PRSS23: variants seen among roughly 807,000 people sequenced by gnomAD.
PRSS23 encodes serine protease 23, also known as protease, serine 23.
PRSS23 carries 25 observed loss-of-function variants against 34.7 expected under a neutral mutation model. That is an observed-to-expected ratio of 0.72 (90% CI 0.53 to 1.01). The LOEUF (loss-of-function observed/expected upper bound fraction) is 1.01. Among genes scored for constraint, PRSS23 ranks in the 50% least tolerant of loss-of-function variants. The pLI is 0.00. For missense variants in PRSS23, 445 were observed against 475.6 expected (o/e 0.94, Z 0.60); for synonymous variants, 176 against 186.6 (o/e 0.94, Z 0.46).
Position 86,894,311 on chromosome 11 carries a change from G to A in PRSS23, c.207-56905G>A, listed in dbSNP as rs140461085. On this transcript the variant is annotated intron_variant, in intron 2 of 2. Transcript: ENST00000533902. ...AGGCATGAGCCACTGTGCCCAGCCAGAATTTGTTTGCATATGGAAAAGAAA... is the reference window on the plus strand; with the variant it reads ...AGGCATGAGCCACTGTGCCCAGCCAAAATTTGTTTGCATATGGAAAAGAAA... Among the ~76,000 whole-genome samples, 170 of 152,282 alleles carry A rather than the reference G, an allele frequency of 1.1e-3. 1 individual carries two copies. The highest frequency in any genetic ancestry group is 3.7e-3 in the African/African-American group (154 of 41,576).
chr11:86,822,802 G>C (rs1948263034), intron 1 of PRSS23, among the ~76,000 whole-genome samples: 1 of 152,148 alleles, frequency 6.6e-6, no homozygotes, highest in African/African-American at 2.4e-5. Context: ...GTATTTTGTA[G>C]AGAATTTGAG....
At chr11:86,806,392 T>C (rs1948101498) in intron 1 of PRSS23, among the ~76,000 whole-genome samples, 1 of 152,216 alleles carries the variant, frequency 6.6e-6, no homozygotes, top group Non-Finnish European at 1.5e-5. Flanking sequence ...TTCTAGGCAA[T>C]TTGTTCATTT....
rs201486686 is a variant in PRSS23, at chr11:86,809,038, TAAAA to T, written c.*248_*251del. The stretch of plus-strand genomic sequence containing the variant: ...TTGAAGGCATACTTTTGCATAGAAA[TAAAA>T]AAAATACTGATTTGGGGCAATGAGG... On this transcript the variant is annotated 3_prime_UTR_variant, in exon 2 of 2. Coordinates refer to ENST00000280258, the MANE Select transcript of PRSS23 (RefSeq NM_007173.6). 5 of 385,472 alleles carry T rather than the reference TAAAA, an allele frequency of 1.3e-5. No individual in the cohort carries two copies. The highest frequency in any genetic ancestry group is 1.0e-4 in the African/African-American group (5 of 47,880). 23.9% of individuals were successfully genotyped at this position (385,472 alleles called of 1,614,324 possible). A position where few individuals can be genotyped will look rare whatever the true frequency, so the allele number is the denominator to read the frequency against.
intron 1 of PRSS23, among the ~76,000 whole-genome samples, chr11:86,805,435 C>T (rs1161728355): frequency 6.6e-6 from 1 of 152,186 alleles, no homozygotes; most frequent in Non-Finnish European, 1.5e-5. Flanking sequence ...CCAACAAGCA[C>T]ATACAAACAC....
At chr11:86,878,052 T>C (rs1202281002) in intron 2 of PRSS23, among the ~76,000 whole-genome samples, 3 of 152,192 alleles carry the variant, frequency 2.0e-5, no homozygotes, top group Non-Finnish European at 4.4e-5. Context: ...ATTTTTGATG[T>C]ACACATTTGC....
intron 1 of PRSS23, among the ~76,000 whole-genome samples, chr11:86,795,026 C>T (rs971737583): frequency 1.3e-5 from 2 of 152,114 alleles, no homozygotes; most frequent in African/African-American, 4.8e-5. Context: ...AATATTAAAA[C>T]TCTCTTGCCT....
At position 86,824,330 on chromosome 11, in the gene PRSS23, A is replaced by AAAAATAAAAAT. The variant is rs1555071045; in HGVS notation, c.206+746_206+747insATAAAATAAAA. ...CTGTGTCAAAAATAAAAATAAAAAT[A>AAAAATAAAAAT]AAAATAAAATAAAATAAAATAAAAT... On this transcript the variant is annotated intron_variant, in intron 2 of 2. Transcript: ENST00000533902. 1.3e-4 allele frequency among the ~76,000 whole-genome samples: 17 copies of AAAAATAAAAAT among 133,158 alleles called. No homozygotes were observed. The East Asian group carries it at 1.7e-3, about 13-fold the overall frequency. 87.4% of individuals were successfully genotyped at this position (133,158 alleles called of 152,430 possible). A position where few individuals can be genotyped will look rare whatever the true frequency, so the allele number is the denominator to read the frequency against.
chr11:86,933,870 G>A (rs936564276), intron 2 of PRSS23: 2 of 151,950 alleles, frequency 1.3e-5, no homozygotes, highest in African/African-American at 4.8e-5. Context: ...GATTTGGAAC[G>A]AGCCCACCTG....
intron 2 of PRSS23, among the ~76,000 whole-genome samples, chr11:86,873,549 T>C (rs1374762187): frequency 1.3e-5 from 2 of 151,850 alleles, no homozygotes; most frequent in Non-Finnish European, 2.9e-5. Flanking sequence ...TCCCAAAGTG[T>C]TGGGATTGTA....
chr11:86,835,874 C>T (rs548575170), intron 2 of PRSS23, among the ~76,000 whole-genome samples: 75 of 152,272 alleles, frequency 4.9e-4, no homozygotes, highest in Non-Finnish European at 9.6e-4. Flanking sequence ...AAATCATCCA[C>T]GTACCGAAGG....
chr11:86,848,757 G>C (rs1478495943), intron 2 of PRSS23, among the ~76,000 whole-genome samples: 1 of 152,106 alleles, frequency 6.6e-6, no homozygotes, highest in East Asian at 1.9e-4. Flanking sequence ...TCTATAACAG[G>C]GACCAAGAGG....
intron 2 of PRSS23, among the ~76,000 whole-genome samples, chr11:86,941,912 C>G (rs548415593): frequency 6.6e-6 from 1 of 152,264 alleles, no homozygotes; most frequent in African/African-American, 2.4e-5. Flanking sequence ...GGTTAAAACC[C>G]TCCCTTCCTC....
chr11:86,839,026 G>A (rs955619199), intron 2 of PRSS23, among the ~76,000 whole-genome samples: 2 of 151,570 alleles, frequency 1.3e-5, no homozygotes, highest in Admixed American at 6.6e-5. Flanking sequence ...CACAAAGATA[G>A]GGAGAAACCA....
chr11:86,901,373 A>C (rs1414959181), intron 2 of PRSS23, among the ~76,000 whole-genome samples: 1 of 152,166 alleles, frequency 6.6e-6, no homozygotes, highest in East Asian at 1.9e-4. Flanking sequence ...GGCTTGAACA[A>C]AACTACCATC....
At chr11:86,797,213 G>C (rs963229189), upstream of PRSS23, among the ~76,000 whole-genome samples, 2 of 152,208 alleles carry the variant, frequency 1.3e-5, no homozygotes, top group South Asian at 4.1e-4. Context: ...TGAGGATTTC[G>C]GTTTTGGTTC....
rs561130754 is a variant in PRSS23 at position 86,913,519 on chromosome 11, A to G, written c.207-37697A>G. On this transcript the variant is annotated intron_variant, in intron 2 of 2. Transcript: ENST00000533902. ...TTCCATATTTTAGAAAGTATTCTAA[A>G]GGAGTGTTGAGAATGGATCTGAAAT... Among the ~76,000 whole-genome samples the G allele has an allele frequency of 1.1e-4, 16 of 151,508 alleles. No homozygotes were observed. The South Asian group carries it at 3.1e-3, about 29-fold the overall frequency.
chr11:86,807,745 A>T lies in PRSS23; in HGVS notation c.102A>T (p.Ala34=). The part of the protein sequence containing the change: ...YSAPWKPTWP[A]YRLPVVLPQS... ...CCCCCTGGAAACCCACTTGGCCTGC[A>T]TACCGCCTCCCTGTCGTCTTGCCCC... The change falls in exon 2 of 2, where the codon GCA becomes GCT. Residue 34 remains alanine, a synonymous_variant. Transcript: ENST00000280258. The T allele has an allele frequency of 6.2e-7, 1 of 1,614,124 alleles. No homozygotes were observed. The highest frequency in any genetic ancestry group is 8.5e-7 in the Non-Finnish European group (1 of 1,180,016).
upstream of PRSS23, among the ~76,000 whole-genome samples, chr11:86,796,201 A>T (rs1414013880): frequency 6.6e-6 from 1 of 152,230 alleles, no homozygotes; most frequent in African/African-American, 2.4e-5. Flanking sequence ...AATGGAATCC[A>T]GCAAAAGAAT....
chr11:86,858,316 A>G (rs1948587651), intron 2 of PRSS23, among the ~76,000 whole-genome samples: 1 of 152,048 alleles, frequency 6.6e-6, no homozygotes, highest in Non-Finnish European at 1.5e-5. Context: ...GGAGAGAATG[A>G]TATTACTCCC....
Sources: allele counts gnomAD v4.1 joint callset (sites outside exome capture counted in the v4.1 genomes callset), GRCh38; gene constraint gnomAD v4.1.1; transcripts MANE v1.5; gene names NCBI Gene and HGNC (gene_info 2026-07-23, HGNC 2026-07-21).